The following GNL3L variants were observed in gnomAD, a reference collection of about 807,000 sequenced individuals.
GNL3L encodes the protein guanine nucleotide-binding protein-like 3-like protein.
GNL3L carries 4 observed loss-of-function variants against 42.9 expected under a neutral mutation model. The ratio of observed to expected loss-of-function variants is 0.09; its 90% CI spans 0.05 to 0.21. The LOEUF (loss-of-function observed/expected upper bound fraction) is 0.21. Ranked by LOEUF, GNL3L falls within the 10% of genes least tolerant of loss-of-function variation. The pLI, the probability that GNL3L is intolerant of heterozygous loss-of-function variation, is 1.00. For synonymous variants in GNL3L, 159 were observed against 176.3 expected (o/e 0.90, Z 0.78); for missense variants, 412 against 481.7 (o/e 0.86, Z 1.36).
At chrX:54,538,594 G>A (rs749964066) in intron 2 of GNL3L, among the ~76,000 whole-genome samples, 1 of 111,730 alleles carries the variant, frequency 9.0e-6, no homozygotes, top group East Asian at 2.8e-4. Flanking sequence ...TGGAGGCAAT[G>A]GCCTGAGCAG....
At chrX:54,609,702 A>C (rs1002093451) in intron 16 of GNL3L, among the ~76,000 whole-genome samples, 1 of 111,474 alleles carries the variant, frequency 9.0e-6, no homozygotes, top group African/African-American at 3.3e-5. Flanking sequence ...TGTTCCATTG[A>C]TCTATGTGCC....
intron 5 of GNL3L, 124 bp from the exon 6 acceptor site, chrX:54,542,831 C>G (rs1200118890): frequency 4.5e-6 from 2 of 449,070 alleles, no homozygotes; most frequent in Non-Finnish European, 7.9e-6. Context: ...TTTTGATTTG[C>G]ATTTCTCTGA....
chrX:54,581,486 C>T (rs774705743), intron 16 of GNL3L, among the ~76,000 whole-genome samples: 23 of 112,234 alleles, frequency 2.0e-4, no homozygotes, highest in Non-Finnish European at 3.0e-4. Context: ...CCTCTTGCCT[C>T]GGACTCTCAC....
intron 16 of GNL3L, among the ~76,000 whole-genome samples, chrX:54,580,173 G>A (rs1267208000): frequency 2.9e-5 from 2 of 69,693 alleles, no homozygotes; most frequent in Admixed American, 2.3e-4. Flanking sequence ...AACAGGCCCC[G>A]GTGTGTGATG....
intron 16 of GNL3L, among the ~76,000 whole-genome samples, chrX:54,606,027 G>C (rs1264562244): frequency 8.9e-6 from 1 of 111,839 alleles, no homozygotes; most frequent in African/African-American, 3.3e-5. Context: ...CACTTTACCA[G>C]AAATTGAGAA....
At chrX:54,571,594 C>G (rs1436662279), downstream of GNL3L, among the ~76,000 whole-genome samples, 2 of 106,400 alleles carry the variant, frequency 1.9e-5, no homozygotes, top group Admixed American at 1.0e-4. Context: ...CTCCGCCTTG[C>G]GAGCAGCTGA....
intron 2 of GNL3L, among the ~76,000 whole-genome samples, chrX:54,536,971 A>G (rs1336476935): frequency 9.1e-6 from 1 of 109,636 alleles, no homozygotes; most frequent in Non-Finnish European, 1.9e-5. Context: ...CTTTATCTTT[A>G]GAGTTCAGAA....
chrX:54,539,630 A>T (rs919344779), intron 3 of GNL3L, among the ~76,000 whole-genome samples: 1 of 111,504 alleles, frequency 9.0e-6, no homozygotes, highest in African/African-American at 3.3e-5. Context: ...AGGATGGGGG[A>T]AAACATCGAT....
downstream of GNL3L, among the ~76,000 whole-genome samples, chrX:54,570,164 A>G (rs1375151390): frequency 1.8e-5 from 2 of 111,844 alleles, no homozygotes; most frequent in African/African-American, 6.5e-5. Flanking sequence ...GAAGTCCCCA[A>G]TGATAATTGT....
intron 14 of GNL3L, among the ~76,000 whole-genome samples, chrX:54,555,559 C>T (rs1925069659): frequency 9.2e-6 from 1 of 109,081 alleles, no homozygotes; most frequent in Admixed American, 9.9e-5. Flanking sequence ...CAACCTCCGC[C>T]TCCTGGGTTC....
At chrX:54,600,206 CTTTTTTTTTTTTT>C (rs1172527598) in intron 16 of GNL3L, among the ~76,000 whole-genome samples, 14 of 13,399 alleles carry the variant, frequency 1.0e-3, no homozygotes, top group East Asian at 2.4e-3. Context: ...CAATCTGCTG[CTTTTTTTTTTTTT>C]TTTTTTTTTT....
intron 16 of GNL3L, among the ~76,000 whole-genome samples, chrX:54,601,764 C>T (rs1444684732): frequency 9.0e-6 from 1 of 111,477 alleles, no homozygotes; most frequent in African/African-American, 3.3e-5. Flanking sequence ...TAGTCATGCC[C>T]TTTCCTCATT....
intron 16 of GNL3L, among the ~76,000 whole-genome samples, chrX:54,590,900 G>A (rs1161836905): frequency 3.6e-5 from 4 of 110,126 alleles, no homozygotes; most frequent in African/African-American, 9.9e-5. Context: ...GCACGATTTC[G>A]GCTCGCTGCA....
Position 54,566,876 on chromosome X carries a change from C to T in GNL3L, c.*6274C>T, listed in dbSNP as rs1287972927. 1.8e-5 allele frequency among the ~76,000 whole-genome samples: 2 copies of T among 111,655 alleles called. No homozygotes were observed. Among genetic ancestry groups the T allele is most frequent in the East Asian group, 2.8e-4 (1 of 3,570 alleles). ...GTAGCTTCGACCTCCTGGGCTCAAG[C>T]GAACCTCCCACCTCCGCCTCTTGAG... On this transcript the variant is annotated 3_prime_UTR_variant, in exon 16 of 16. Transcript: ENST00000360845.
intron 16 of GNL3L, among the ~76,000 whole-genome samples, chrX:54,586,737 C>CTA (rs1322637088): frequency 8.9e-5 from 10 of 112,181 alleles, no homozygotes; most frequent in Non-Finnish European, 1.5e-4. Flanking sequence ...CAGACAGCAT[C>CTA]TATAGCACCA....
the GNL3L span, among the ~76,000 whole-genome samples, chrX:54,639,706 C>T: frequency 8.9e-6 from 1 of 111,835 alleles, no homozygotes; most frequent in African/African-American, 3.2e-5. Context: ...GGGAGAACCC[C>T]GGAGCCCGAA....
chrX:54,639,127 TAGAG>T, the GNL3L span, among the ~76,000 whole-genome samples: 44 of 110,760 alleles, frequency 4.0e-4, no homozygotes, highest in African/African-American at 1.0e-3. Context: ...TAAAATAAAA[TAGAG>T]AGGGAGGGTC....
chrX:54,642,878 A>C, the GNL3L span, among the ~76,000 whole-genome samples: 1 of 112,150 alleles, frequency 8.9e-6, no homozygotes, highest in African/African-American at 3.2e-5. Context: ...AACTGCTGGT[A>C]TGTAAGTTCA....
downstream of GNL3L, among the ~76,000 whole-genome samples, chrX:54,570,650 A>T (rs1925531604): frequency 9.5e-6 from 1 of 105,685 alleles, no homozygotes; most frequent in Non-Finnish European, 2.0e-5. Flanking sequence ...CTTCTTTTGG[A>T]TTACTGTTTT....
Sources: allele counts gnomAD v4.1 joint callset (sites outside exome capture counted in the v4.1 genomes callset), GRCh38; gene constraint gnomAD v4.1.1; transcripts MANE v1.5; gene names NCBI Gene and HGNC (gene_info 2026-07-23, HGNC 2026-07-21).